The following SLC24A3 variants were observed in gnomAD, a reference collection of about 807,000 sequenced individuals.
SLC24A3 encodes solute carrier family 24 member 3.
SLC24A3 carries 28 observed loss-of-function variants against 75.8 expected under a neutral mutation model. That is an observed-to-expected ratio of 0.37 (90% confidence interval 0.27 to 0.51). The LOEUF (loss-of-function observed/expected upper bound fraction) is 0.51, where lower values mean the gene tolerates loss of function less well. Ranked by LOEUF, SLC24A3 falls within the 20% of genes least tolerant of loss-of-function variation. The probability of loss-of-function intolerance (pLI) is 0.94; values close to 1 mark genes in which losing one functional copy is unlikely to be tolerated. For synonymous variants in SLC24A3, 372 were observed against 334.1 expected, an observed-to-expected ratio of 1.11 and a Z score of -1.24; for missense variants, 663 against 847.8, an observed-to-expected ratio of 0.78 and a Z score of 2.71.
chr20:19,408,740 T>C (rs1469790117), intron 2 of SLC24A3, among the ~76,000 whole-genome samples: 2 of 152,208 alleles, frequency 1.3e-5, no homozygotes, highest in Non-Finnish European at 2.9e-5. Flanking sequence ...GTGTCTCCAT[T>C]TTTGTCTATG....
At chr20:19,645,106 A>G (rs1404868359) in intron 6 of SLC24A3, among the ~76,000 whole-genome samples, 2 of 152,226 alleles carry the variant, frequency 1.3e-5, no homozygotes, top group African/African-American at 4.8e-5. Context: ...TTCTTATAAT[A>G]AAGAAATTTA....
intron 6 of SLC24A3, among the ~76,000 whole-genome samples, chr20:19,609,449 G>A (rs964979570): frequency 6.6e-6 from 1 of 151,878 alleles, no homozygotes; most frequent in Non-Finnish European, 1.5e-5. Flanking sequence ...TGTGCAGACT[G>A]TGCAGGCTTT....
chr20:19,477,861 A>C (rs1987987439), intron 2 of SLC24A3, among the ~76,000 whole-genome samples: 1 of 152,232 alleles, frequency 6.6e-6, no homozygotes, highest in Admixed American at 6.5e-5. Flanking sequence ...AAAAAGGAAC[A>C]AAATGGCTAC....
At chr20:19,305,546 G>A (rs931868829) in intron 2 of SLC24A3, among the ~76,000 whole-genome samples, 2 of 151,894 alleles carry the variant, frequency 1.3e-5, no homozygotes, top group Non-Finnish European at 2.9e-5. Context: ...ATGACTTGTG[G>A]GGTTAAGAAT....
At chr20:19,424,728 CAAAAAAAAAACAACAACA>C (rs150382674) in intron 2 of SLC24A3, among the ~76,000 whole-genome samples, 43,113 of 99,368 alleles carry the variant, frequency 0.43, 7,372 homozygotes, top group Middle Eastern at 0.6. Flanking sequence ...GACCCTTTCT[CAAAAAAAAAACAACAACA>C]AAAAAAAAAA....
chr20:19,470,190 G>A (rs1012708887), intron 2 of SLC24A3, among the ~76,000 whole-genome samples: 4 of 152,186 alleles, frequency 2.6e-5, no homozygotes, highest in Admixed American at 1.3e-4. Flanking sequence ...CCAAATGTTC[G>A]TGCAAATATC....
intron 2 of SLC24A3, among the ~76,000 whole-genome samples, chr20:19,481,891 A>T (rs1988060464): frequency 6.6e-6 from 1 of 151,426 alleles, no homozygotes; most frequent in East Asian, 2.0e-4. Context: ...CCTAGTGGAC[A>T]CCTCCTTCTG....
At chr20:19,698,792 A>G (rs1325330796) in intron 15 of SLC24A3, 112 bp downstream of exon 15, 1 of 788,328 alleles carries the variant, frequency 1.3e-6, no homozygotes, top group African/African-American at 1.7e-5. Context: ...AGAAATCGTA[A>G]TATTGAGGGG....
At chr20:19,240,528 A>T (rs892937269) in intron 1 of SLC24A3, among the ~76,000 whole-genome samples, 3 of 152,218 alleles carry the variant, frequency 2.0e-5, no homozygotes, top group African/African-American at 4.8e-5. Flanking sequence ...GGGAAGCCAG[A>T]GGAGGTGCTG....
At chr20:19,423,471 G>A (rs549771141) in intron 2 of SLC24A3, among the ~76,000 whole-genome samples, 94 of 152,282 alleles carry the variant, frequency 6.2e-4, no homozygotes, top group African/African-American at 2.2e-3. Context: ...CCCAAAGAAT[G>A]AGCTAAGCAG....
intron 2 of SLC24A3, among the ~76,000 whole-genome samples, chr20:19,474,552 G>T (rs1270113447): frequency 6.6e-6 from 1 of 152,026 alleles, no homozygotes; most frequent in Non-Finnish European, 1.5e-5. Context: ...CATAGAGCTG[G>T]GTCTCCGTGG....
At chr20:19,281,176 T>C in intron 2 of SLC24A3, 89 bp downstream of exon 2, 2 of 1,555,364 alleles carry the variant, frequency 1.3e-6, no homozygotes, top group Non-Finnish European at 1.7e-6. Context: ...TTTCTTAGAA[T>C]TTTAATCCAG....
chr20:19,560,842 G>A (rs927258223), intron 3 of SLC24A3, among the ~76,000 whole-genome samples: 3 of 152,136 alleles, frequency 2.0e-5, no homozygotes, highest in South Asian at 2.1e-4. Flanking sequence ...TTCGAAGAAA[G>A]GGTAATTCTT....
At chr20:19,255,906 G>T (rs919784029) in intron 1 of SLC24A3, among the ~76,000 whole-genome samples, 1 of 152,040 alleles carries the variant, frequency 6.6e-6, no homozygotes, top group Admixed American at 6.6e-5. Flanking sequence ...GACATCCTGG[G>T]CAACATAGTG....
At chr20:19,521,268 G>A (rs1332545618) in intron 3 of SLC24A3, among the ~76,000 whole-genome samples, 1 of 151,656 alleles carries the variant, frequency 6.6e-6, no homozygotes, top group African/African-American at 2.4e-5. Flanking sequence ...CCCGGCACTG[G>A]TCAGTTTCCT....
chr20:19,591,787 G>A lies in SLC24A3; in HGVS notation c.612+6243G>A, dbSNP rs191936871. Among the ~76,000 whole-genome samples the A allele has an allele frequency of 2.6e-4, 40 of 152,166 alleles. 1 individual carries two copies. Among genetic ancestry groups the A allele is most frequent in the Admixed American group, 2.6e-3 (39 of 15,288 alleles). Reference sequence around the variant, plus strand: ...CTAAGAATCTAATCACTTCCACCTCGAATACACAGTTTTCAGTTTATTATA... The same window carrying A: ...CTAAGAATCTAATCACTTCCACCTCAAATACACAGTTTTCAGTTTATTATA... On this transcript the variant is annotated intron_variant, in intron 6 of 16. Coordinates refer to ENST00000328041, the MANE Select transcript of SLC24A3 (RefSeq NM_020689.4).
intron 2 of SLC24A3, among the ~76,000 whole-genome samples, chr20:19,345,978 T>C (rs1273264629): frequency 6.7e-6 from 1 of 148,392 alleles, no homozygotes; most frequent in East Asian, 2.0e-4. Flanking sequence ...AAGATAGTTG[T>C]ACATGCATGT....
At chr20:19,622,722 TG>T (rs1200004138) in intron 6 of SLC24A3, among the ~76,000 whole-genome samples, 1 of 152,178 alleles carries the variant, frequency 6.6e-6, no homozygotes, top group East Asian at 1.9e-4. Flanking sequence ...CCATTTGTGT[TG>T]CTATAAAAGA....
chr20:19,261,494 C>A (rs552242893), intron 1 of SLC24A3, among the ~76,000 whole-genome samples: 1 of 152,096 alleles, frequency 6.6e-6, no homozygotes, highest in African/African-American at 2.4e-5. Context: ...TGTGCATCAC[C>A]ACATTCAGCT....
Sources: allele counts gnomAD v4.1 joint callset (sites outside exome capture counted in the v4.1 genomes callset), GRCh38; gene constraint gnomAD v4.1.1; transcripts MANE v1.5; gene names NCBI Gene and HGNC (gene_info 2026-07-23, HGNC 2026-07-21).